The following UBE2G2 variants were observed in gnomAD, a reference collection of about 807,000 sequenced individuals.
UBE2G2 encodes ubiquitin-conjugating enzyme E2 G2.
A neutral mutation model predicts 23.0 loss-of-function variants in UBE2G2; 10 were observed. That is an observed-to-expected ratio of 0.43 (90% CI 0.27 to 0.74). The LOEUF (loss-of-function observed/expected upper bound fraction) is 0.74. UBE2G2 is among the 30% of genes least tolerant of loss of function. The pLI is 0.19. For missense variants in UBE2G2, 150 were observed against 218.3 expected (o/e 0.69, Z 1.97); for synonymous variants, 86 against 81.3 (o/e 1.06, Z -0.31).
intron 1 of UBE2G2, among the ~76,000 whole-genome samples, chr21:44,792,162 T>A (rs1219705629): frequency 2.0e-5 from 3 of 152,230 alleles, no homozygotes; most frequent in Non-Finnish European, 4.4e-5. Context: ...AGAGGGGACT[T>A]ACCTTGTCAG....
Position 44,770,255 on chromosome 21 carries a change from T to C in UBE2G2, c.*1122A>G, listed in dbSNP as rs184028208. 124 of 152,120 alleles carry C rather than the reference T, an allele frequency of 8.2e-4. No homozygotes were observed. The highest frequency in any genetic ancestry group is 3.9e-3 in the Admixed American group (59 of 15,302). The allele number at this position is 152,120 out of a possible 1,614,324, so 9.4% of individuals were successfully genotyped here. On this transcript the variant is annotated 3_prime_UTR_variant, in exon 6 of 6. Transcript: ENST00000345496. ...ACCCTAGAATTTCCAGTTTTTAGAT[T>C]GAAAAAAAAAAATTTTTTCTGTAGA... is the stretch of plus-strand genomic sequence containing the variant.
At chr21:44,787,788 G>A (rs2083007800) in intron 3 of UBE2G2, 132 bp downstream of exon 3, 1 of 957,218 alleles carries the variant, frequency 1.0e-6, no homozygotes, top group African/African-American at 1.7e-5. Flanking sequence ...GCCTAGACGA[G>A]AGCTGGGCAT....
At chr21:44,775,584 C>T (rs2082907269) in intron 4 of UBE2G2, 1 of 152,034 alleles carries the variant, frequency 6.6e-6, no homozygotes, top group South Asian at 2.1e-4. Flanking sequence ...AAAATAATTA[C>T]CAGAACATTA....
At chr21:44,773,885 T>A in intron 4 of UBE2G2, 198 bp from the exon 5 acceptor site, 2 of 663,560 alleles carry the variant, frequency 3.0e-6, no homozygotes, top group Non-Finnish European at 4.8e-6. Flanking sequence ...GCTCACTCAC[T>A]GACAGGCTCC....
At chr21:44,779,473 C>A (rs908616923) in intron 3 of UBE2G2, among the ~76,000 whole-genome samples, 1 of 151,840 alleles carries the variant, frequency 6.6e-6, no homozygotes, top group African/African-American at 2.4e-5. Flanking sequence ...ACTGGTACAA[C>A]AGCCGCGCTG....
At chr21:44,775,482 T>C (rs146326576) in intron 4 of UBE2G2, 10 of 152,358 alleles carry the variant, frequency 6.6e-5, no homozygotes, top group African/African-American at 2.4e-4. Context: ...GTTTTTATGA[T>C]ATTGGTAGAC....
In UBE2G2 at chr21:44,777,418, C is replaced by A; in HGVS notation, c.126-1G>T. 1.2e-6 allele frequency: 2 copies of A among 1,613,802 alleles called. No individual in the cohort carries two copies. The highest frequency in any genetic ancestry group is 2.2e-5 in the South Asian group (2 of 91,066). Reference sequence around the variant, plus strand: ...CTCAAAGCAGGTGTCTTCTGGGCCCCTAGAAGATATAAAATACGTAGACTG... The same window carrying A: ...CTCAAAGCAGGTGTCTTCTGGGCCCATAGAAGATATAAAATACGTAGACTG... On this transcript the variant is annotated splice_acceptor_variant, in intron 3 of 5. Transcript: ENST00000345496. LOFTEE classifies it high-confidence loss of function.
At chr21:44,773,758 C>G (rs1229698247) in intron 4 of UBE2G2, 71 bp from the exon 5 acceptor site, 35 of 1,568,360 alleles carry the variant, frequency 2.2e-5, no homozygotes, top group Non-Finnish European at 2.8e-5. Flanking sequence ...TGGGCAGGCT[C>G]CACAGATAAT....
chr21:44,790,601 G>A lies in UBE2G2; in HGVS notation c.44-2506C>T, dbSNP rs782389636. ...AGATCTGGTGGTTTTATAAGTGTTC[G>A]AAAGTTCCTCCTTCACTCTTCTTTC... On this transcript the variant is annotated intron_variant, in intron 1 of 5. Transcript: ENST00000345496. Among the ~76,000 whole-genome samples, 9 of 152,270 alleles carry A rather than the reference G, an allele frequency of 5.9e-5. 1 individual carries two copies. The South Asian group carries it at 1.2e-3, about 21-fold the overall frequency.
chr21:44,785,335 C>T (rs575854269), intron 3 of UBE2G2, among the ~76,000 whole-genome samples: 6 of 152,170 alleles, frequency 3.9e-5, no homozygotes, highest in Admixed American at 2.6e-4. Flanking sequence ...ACACAGCCTG[C>T]GGACTCTCAT....
intron 3 of UBE2G2, among the ~76,000 whole-genome samples, chr21:44,779,522 C>A (rs926127452): frequency 6.6e-6 from 1 of 152,004 alleles, no homozygotes; most frequent in African/African-American, 2.4e-5. Context: ...CCCCGGCCCA[C>A]ACTGGCACCC....
At position 44,770,927 on chromosome 21, in the gene UBE2G2, A is replaced by G. The variant is rs2838678; in HGVS notation, c.*450T>C. On this transcript the variant is annotated 3_prime_UTR_variant, in exon 6 of 6. Transcript: ENST00000345496. ...TCATGGGGCCCACAGGGAACCAGGA[A>G]GGACCCAGAAAGGGTGCCGGGCCCT... 0.38 allele frequency: 58,980 copies of G among 154,988 alleles called. 11,729 individuals are homozygous for G. The highest frequency in any genetic ancestry group is 0.45 in the South Asian group (2,232 of 4,944). The allele number at this position is 154,988 out of a possible 1,614,324, so 9.6% of individuals were successfully genotyped here.
intron 1 of UBE2G2, chr21:44,800,784 A>G (rs944559490): frequency 1.3e-5 from 2 of 152,234 alleles, no homozygotes; most frequent in Non-Finnish European, 2.9e-5. Context: ...CTTTTAGCTT[A>G]ACTTTCTTCC....
intron 4 of UBE2G2, chr21:44,775,016 C>T (rs2082902719): frequency 3.4e-6 from 1 of 291,684 alleles, no homozygotes. Flanking sequence ...GGCTTCCTCC[C>T]ACCTGTCCTT....
At position 44,771,795 on chromosome 21, in the gene UBE2G2, G is replaced by C. The variant is rs2082877007; in HGVS notation, c.386-306C>G. Among the ~76,000 whole-genome samples the C allele has an allele frequency of 6.6e-6, 1 of 152,198 alleles. No individual in the cohort carries two copies. Among genetic ancestry groups the C allele is most frequent in the South Asian group, 2.1e-4 (1 of 4,832 alleles). On this transcript the variant is annotated intron_variant, in intron 5 of 5. Transcript: ENST00000345496. The surrounding 1 kb of genome is among the most constrained non-coding windows in gnomAD (Gnocchi z 4.6). ...CAGGCCCACACGGCCTCCCACAGCA[G>C]CCTCCTGGGCCACTGCACTTCTGGC...
Position 44,773,553 on chromosome 21 carries a change from G to T in UBE2G2, c.379C>A (p.Leu127Met). ...CAGGAGGCTCGGGCCTTACCTGCCA[G>T]CATGCTCACCACCGACAGCAGGATC... ...EKILLSVVSMLAEPNDESGAN... is the reference protein window; with the variant it reads ...EKILLSVVSMMAEPNDESGAN... Residue 127 changes from leucine (L) to methionine (M), a missense_variant, in exon 5 of 6, where the codon CTG (leucine) becomes ATG (methionine). Coordinates refer to ENST00000345496, the MANE Select transcript of UBE2G2 (RefSeq NM_003343.6). 6.2e-7 allele frequency: 1 copy of T among 1,608,310 alleles called. No homozygotes were observed.
intron 1 of UBE2G2, among the ~76,000 whole-genome samples, chr21:44,796,614 T>C (rs782612114): frequency 1.3e-5 from 2 of 152,228 alleles, no homozygotes; most frequent in African/African-American, 2.4e-5. Context: ...TAACACACTG[T>C]ATTCATCTTC....
At chr21:44,782,841 C>T (rs1483567700) in intron 3 of UBE2G2, among the ~76,000 whole-genome samples, 1 of 152,096 alleles carries the variant, frequency 6.6e-6, no homozygotes, top group Admixed American at 6.5e-5. Flanking sequence ...AAAACTTCTA[C>T]AAGCAAACAT....
rs2082848801 is a variant in UBE2G2, at chr21:44,768,926, C to T, written c.*2451G>A. 6.6e-6 allele frequency: 1 copy of T among 152,224 alleles called. No individual in the cohort carries two copies. Among genetic ancestry groups the T allele is most frequent in the Non-Finnish European group, 1.5e-5 (1 of 68,076 alleles). The allele number at this position is 152,224 out of a possible 1,614,324, so 9.4% of individuals were successfully genotyped here. A position where few individuals can be genotyped will look rare whatever the true frequency, so the allele number is the denominator to read the frequency against. ...ACAGAAGAAAACATGCCAGAGCTAA[C>T]CCAAGTCTGCAGAAAAGCCCCCACC... is the stretch of plus-strand genomic sequence containing the variant. On this transcript the variant is annotated 3_prime_UTR_variant, in exon 6 of 6. Coordinates refer to ENST00000345496, the MANE Select transcript of UBE2G2 (RefSeq NM_003343.6).
Sources: gnomAD v4.1 joint callset for allele counts (sites outside exome capture counted in the v4.1 genomes callset) on GRCh38, gnomAD v4.1.1 for gene constraint, Gnocchi (gnomAD v3.1) non-coding constraint, MANE v1.5 for transcripts, NCBI Gene and HGNC (gene_info 2026-07-23, HGNC 2026-07-21) for gene names.